TENM3: variants seen among roughly 807,000 people sequenced by gnomAD.
TENM3 encodes the protein teneurin-3.
A neutral mutation model predicts 255.1 loss-of-function variants in TENM3; 63 were observed. That is an observed-to-expected ratio of 0.25 (90% confidence interval 0.20 to 0.30). The LOEUF (loss-of-function observed/expected upper bound fraction) is 0.30, where lower values mean the gene tolerates loss of function less well. TENM3 is among the 10% of genes least tolerant of loss of function. TENM3 has a pLI of 1.00. For missense variants in TENM3, 2,929 were observed against 3,461.1 expected, an observed-to-expected ratio of 0.85 and a Z score of 3.86; for synonymous variants, 1,306 against 1,322.3, an observed-to-expected ratio of 0.99 and a Z score of 0.27.
the TENM3 span, among the ~76,000 whole-genome samples, chr4:181,879,443 C>T: frequency 2.6e-5 from 4 of 152,068 alleles, no homozygotes; most frequent in African/African-American, 9.7e-5. Flanking sequence ...TCATTTCTCC[C>T]AGCAATAGCT....
At chr4:182,653,632 T>C in intron 5 of TENM3, 139 bp from the exon 6 acceptor site, 1 of 922,668 alleles carries the variant, frequency 1.1e-6, no homozygotes. Context: ...TTTATAATTT[T>C]CATTGCGCAG....
At chr4:182,703,867 C>A (rs1218729275) in intron 12 of TENM3, among the ~76,000 whole-genome samples, 1 of 152,156 alleles carries the variant, frequency 6.6e-6, no homozygotes, top group Non-Finnish European at 1.5e-5. Flanking sequence ...AAAAATTCTA[C>A]CCATTGATAT....
At chr4:181,723,006 GCCTACCT>G in the TENM3 span, among the ~76,000 whole-genome samples, 1 of 151,986 alleles carries the variant, frequency 6.6e-6, no homozygotes, top group Non-Finnish European at 1.5e-5. Flanking sequence ...GCTCACTATG[GCCTACCT>G]CCTCGCTCAG....
intron 3 of TENM3, among the ~76,000 whole-genome samples, chr4:182,463,246 C>T (rs2151404009): frequency 6.6e-6 from 1 of 151,802 alleles, no homozygotes; most frequent in Admixed American, 6.6e-5. Flanking sequence ...CATTTTGCAA[C>T]TTAAAAGAAA....
At chr4:181,879,456 A>G in the TENM3 span, among the ~76,000 whole-genome samples, 2 of 152,162 alleles carry the variant, frequency 1.3e-5, no homozygotes, top group African/African-American at 4.8e-5. Context: ...CAATAGCTAC[A>G]GTCTACTAAA....
the TENM3 span, among the ~76,000 whole-genome samples, chr4:181,730,350 C>T: frequency 1.3e-5 from 2 of 152,160 alleles, no homozygotes; most frequent in East Asian, 3.9e-4. Context: ...CAATGCATGT[C>T]CTTTCCACAA....
the TENM3 span, among the ~76,000 whole-genome samples, chr4:181,951,430 G>A: frequency 2.0e-5 from 3 of 152,210 alleles, no homozygotes; most frequent in Non-Finnish European, 2.9e-5. Flanking sequence ...GCAACCTACT[G>A]GTTTTTACAT....
At chr4:181,649,480 T>C in the TENM3 span, among the ~76,000 whole-genome samples, 1 of 152,242 alleles carries the variant, frequency 6.6e-6, no homozygotes, top group Non-Finnish European at 1.5e-5. Context: ...TTAGGCCTTA[T>C]GTGTTGACAA....
intron 13 of TENM3, among the ~76,000 whole-genome samples, chr4:182,723,844 C>G (rs1386391118): frequency 6.6e-6 from 1 of 152,110 alleles, no homozygotes; most frequent in Non-Finnish European, 1.5e-5. Flanking sequence ...ATATTGAAGG[C>G]AGAGTTGAAC....
At chr4:182,302,815 G>A (rs1449381707) in intron 1 of TENM3, among the ~76,000 whole-genome samples, 1 of 152,168 alleles carries the variant, frequency 6.6e-6, no homozygotes, top group Non-Finnish European at 1.5e-5. Flanking sequence ...TGAGAAGACA[G>A]GCTTCTGTCA....
the TENM3 span, among the ~76,000 whole-genome samples, chr4:181,854,234 A>C: frequency 6.6e-6 from 1 of 152,322 alleles, no homozygotes; most frequent in East Asian, 1.9e-4. Flanking sequence ...AAGTTTTATC[A>C]AAACCCCCTC....
chr4:181,631,072 A>G, the TENM3 span, among the ~76,000 whole-genome samples: 1 of 152,134 alleles, frequency 6.6e-6, no homozygotes, highest in Non-Finnish European at 1.5e-5. Context: ...GTCCTCATCT[A>G]CAGACTTAAC....
At chr4:182,615,257 A>AT (rs1749392434) in intron 4 of TENM3, among the ~76,000 whole-genome samples, 1 of 151,428 alleles carries the variant, frequency 6.6e-6, no homozygotes, top group Non-Finnish European at 1.5e-5. Context: ...TCATACAGGT[A>AT]ATAAGTTGAA....
intron 1 of TENM3, among the ~76,000 whole-genome samples, chr4:182,289,261 C>CG (rs1326453458): frequency 6.6e-6 from 1 of 152,190 alleles, no homozygotes; most frequent in East Asian, 1.9e-4. Flanking sequence ...TATTAAAACG[C>CG]ATTTAGATGT....
intron 1 of TENM3, among the ~76,000 whole-genome samples, chr4:182,187,137 A>G (rs1293845514): frequency 6.6e-6 from 1 of 152,090 alleles, no homozygotes; most frequent in East Asian, 1.9e-4. Flanking sequence ...AACTTTGCAA[A>G]GTACATAAGA....
chr4:181,652,878 G>A, the TENM3 span, among the ~76,000 whole-genome samples: 4 of 152,194 alleles, frequency 2.6e-5, no homozygotes, highest in East Asian at 1.9e-4. Flanking sequence ...CTTCACACAC[G>A]AACTGCTGTG....
intron 1 of TENM3, among the ~76,000 whole-genome samples, chr4:182,254,336 T>C (rs1214769442): frequency 6.6e-6 from 1 of 151,800 alleles, no homozygotes; most frequent in African/African-American, 2.4e-5. Context: ...TCTCTCTCTT[T>C]TTTTTTTTGT....
intron 13 of TENM3, among the ~76,000 whole-genome samples, chr4:182,719,468 C>T (rs750429547): frequency 2.0e-5 from 3 of 151,666 alleles, no homozygotes; most frequent in Non-Finnish European, 2.9e-5. Context: ...ACCATGTTGG[C>T]CAGGATGGTC....
intron 3 of TENM3, among the ~76,000 whole-genome samples, chr4:182,405,915 G>A (rs1195394650): frequency 6.6e-6 from 1 of 152,176 alleles, no homozygotes; most frequent in Non-Finnish European, 1.5e-5. Flanking sequence ...GAGCCTCTGG[G>A]TTTGCAAAGA....
Sources: allele counts gnomAD v4.1 joint callset (sites outside exome capture counted in the v4.1 genomes callset), GRCh38; gene constraint gnomAD v4.1.1; transcripts MANE v1.5; gene names NCBI Gene and HGNC (gene_info 2026-07-23, HGNC 2026-07-21).